STPG2: variants seen among roughly 807,000 people sequenced by gnomAD.
STPG2 encodes sperm tail PG-rich repeat containing 2, also known as sperm-tail PG-rich repeat-containing protein 2.
A neutral mutation model predicts 54.2 loss-of-function variants in STPG2; 56 were observed. The observed-to-expected ratio is 1.03, with a 90% confidence interval of 0.83 to 1.29. STPG2 has a LOEUF of 1.29. Ranked by LOEUF, STPG2 falls within the 50% of genes most tolerant of loss-of-function variation. The pLI, the probability that STPG2 is intolerant of heterozygous loss-of-function variation, is 0.00. For missense variants in STPG2, 596 were observed against 544.9 expected (o/e 1.09, Z -0.93); for synonymous variants, 200 against 181.8 (o/e 1.10, Z -0.81).
intron 6 of STPG2, 105 bp from the exon 7 acceptor site, chr4:97,972,545 TCA>T (rs1230444261): frequency 9.2e-6 from 6 of 650,438 alleles, no homozygotes; most frequent in African/African-American, 1.9e-5. Flanking sequence ...TAAAAAACCC[TCA>T]CATATTTCTG....
At chr4:97,739,258 G>A (rs1158128332) in intron 9 of STPG2, among the ~76,000 whole-genome samples, 1 of 152,126 alleles carries the variant, frequency 6.6e-6, no homozygotes, top group South Asian at 2.1e-4. Context: ...ACAGGAGAAA[G>A]CAGGAAAGAT....
chr4:98,025,849 TG>T, intron 5 of STPG2: 1 of 1,597,764 alleles, frequency 6.3e-7, no homozygotes, highest in Middle Eastern at 1.7e-4. Flanking sequence ...GAACTACCAC[TG>T]GCAATAAAGT....
chr4:97,851,660 TA>T (rs1273565182), intron 8 of STPG2, among the ~76,000 whole-genome samples: 1 of 152,188 alleles, frequency 6.6e-6, no homozygotes, highest in Non-Finnish European at 1.5e-5. Flanking sequence ...ATATGTCCAT[TA>T]AAACCTTGAT....
At chr4:97,566,746 A>G (rs907460486) in intron 10 of STPG2, among the ~76,000 whole-genome samples, 1 of 151,876 alleles carries the variant, frequency 6.6e-6, no homozygotes, top group Admixed American at 6.6e-5. Flanking sequence ...CATGGATGAA[A>G]TTGGAAATCA....
chr4:97,913,312 G>A (rs905838820), intron 8 of STPG2, among the ~76,000 whole-genome samples: 1 of 152,088 alleles, frequency 6.6e-6, no homozygotes, highest in African/African-American at 2.4e-5. Context: ...CACTTGAGCT[G>A]TATTTTCCAA....
chr4:97,812,075 C>T (rs1309094545), intron 9 of STPG2, among the ~76,000 whole-genome samples: 1 of 151,892 alleles, frequency 6.6e-6, no homozygotes, highest in African/African-American at 2.4e-5. Context: ...TGAAGAAATA[C>T]AATACCAACA....
At chr4:97,920,370 C>A (rs1560590187) in intron 8 of STPG2, among the ~76,000 whole-genome samples, 2 of 152,182 alleles carry the variant, frequency 1.3e-5, no homozygotes, top group Non-Finnish European at 2.9e-5. Flanking sequence ...TGTTTCCACA[C>A]TCTGATTCTA....
At chr4:98,014,721 T>C (rs1049025850) in intron 5 of STPG2, among the ~76,000 whole-genome samples, 5 of 152,198 alleles carry the variant, frequency 3.3e-5, no homozygotes, top group African/African-American at 1.2e-4. Flanking sequence ...CTTTCATGTG[T>C]TGTCATATTT....
At chr4:97,711,340 G>A (rs918856359) in intron 10 of STPG2, among the ~76,000 whole-genome samples, 1 of 152,036 alleles carries the variant, frequency 6.6e-6, no homozygotes, top group Non-Finnish European at 1.5e-5. Context: ...GTAAACAAAC[G>A]TCATAAACTT....
intron 5 of STPG2, among the ~76,000 whole-genome samples, chr4:98,002,698 T>C (rs1735449278): frequency 6.6e-6 from 1 of 152,092 alleles, no homozygotes; most frequent in African/African-American, 2.4e-5. Context: ...TTGAGACTAC[T>C]TGTAATTACC....
intron 9 of STPG2, among the ~76,000 whole-genome samples, chr4:97,781,864 C>T (rs915169663): frequency 5.3e-5 from 8 of 152,118 alleles, no homozygotes; most frequent in African/African-American, 1.9e-4. Flanking sequence ...CAGAAGAGGC[C>T]TTTGACAAAA....
intron 1 of STPG2, among the ~76,000 whole-genome samples, chr4:98,134,896 C>T (rs1740097718): frequency 6.6e-6 from 1 of 151,682 alleles, no homozygotes; most frequent in Non-Finnish European, 1.5e-5. Context: ...AGTGGGTTTA[C>T]AGCAGATAAT....
At chr4:98,091,114 T>G (rs192970341) in intron 5 of STPG2, among the ~76,000 whole-genome samples, 1 of 152,112 alleles carries the variant, frequency 6.6e-6, no homozygotes, top group African/African-American at 2.4e-5. Flanking sequence ...TCCTCCCACA[T>G]CAAATTAATC....
chr4:98,097,690 C>T (rs1738899995), intron 5 of STPG2, among the ~76,000 whole-genome samples: 1 of 152,060 alleles, frequency 6.6e-6, no homozygotes, highest in East Asian at 1.9e-4. Context: ...TCAAATTATC[C>T]TTGTTTGCCG....
At chr4:97,861,325 C>T (rs1729528314) in intron 8 of STPG2, among the ~76,000 whole-genome samples, 1 of 151,956 alleles carries the variant, frequency 6.6e-6, no homozygotes, top group African/African-American at 2.4e-5. Flanking sequence ...TGGCTTTTAT[C>T]CTAAAGATAG....
intron 10 of STPG2, among the ~76,000 whole-genome samples, chr4:97,657,758 T>G (rs1486348336): frequency 6.6e-6 from 1 of 152,216 alleles, no homozygotes; most frequent in Non-Finnish European, 1.5e-5. Context: ...TTTATGGTAT[T>G]CCATGAGTCT....
At chr4:97,924,215 C>A (rs1732247985) in intron 8 of STPG2, among the ~76,000 whole-genome samples, 1 of 152,188 alleles carries the variant, frequency 6.6e-6, no homozygotes, top group Non-Finnish European at 1.5e-5. Context: ...GGACACACCA[C>A]CTTTAAGAAC....
chr4:97,867,470 A>C (rs1280056348), intron 8 of STPG2, among the ~76,000 whole-genome samples: 1 of 151,840 alleles, frequency 6.6e-6, no homozygotes, highest in Non-Finnish European at 1.5e-5. Context: ...TTTTTCTCCT[A>C]ATGTCTCCAT....
At chr4:97,938,839 T>G (rs890294377) in intron 8 of STPG2, among the ~76,000 whole-genome samples, 1 of 151,940 alleles carries the variant, frequency 6.6e-6, no homozygotes, top group Admixed American at 6.6e-5. Context: ...CAGTATAGGA[T>G]TCACATGCTG....
Sources: allele counts gnomAD v4.1 joint callset (sites outside exome capture counted in the v4.1 genomes callset), GRCh38; gene constraint gnomAD v4.1.1; transcripts MANE v1.5; gene names NCBI Gene and HGNC (gene_info 2026-07-23, HGNC 2026-07-21).